Variants in PDE4D observed in about 807,000 individuals in gnomAD.
PDE4D encodes phosphodiesterase 4D, also known as 3',5'-cyclic-AMP phosphodiesterase 4D.
Under a neutral mutation model 87.4 loss-of-function variants are expected in PDE4D, and 24 were observed. That is an observed-to-expected ratio of 0.27 (90% CI 0.20 to 0.39). PDE4D has a LOEUF of 0.39. Ranked by LOEUF, PDE4D falls within the 10% of genes least tolerant of loss-of-function variation. The pLI, the probability that PDE4D is intolerant of heterozygous loss-of-function variation, is 1.00. For missense variants in PDE4D, 714 were observed against 1,041.0 expected, an observed-to-expected ratio of 0.69 and a Z score of 4.32; for synonymous variants, 384 against 383.2, an observed-to-expected ratio of 1.00 and a Z score of -0.02.
chr5:59,940,984 C>T (rs1757115783), intron 3 of PDE4D, among the ~76,000 whole-genome samples: 1 of 152,074 alleles, frequency 6.6e-6, no homozygotes, highest in African/African-American at 2.4e-5. Flanking sequence ...TTGTTTCTTT[C>T]CATGCTTTGT....
intron 1 of PDE4D, among the ~76,000 whole-genome samples, chr5:60,305,214 G>C (rs1273957632): frequency 1.3e-5 from 2 of 152,106 alleles, no homozygotes; most frequent in South Asian, 2.1e-4. Flanking sequence ...TTTATGAAAA[G>C]AAAACAGGAT....
intron 2 of PDE4D, among the ~76,000 whole-genome samples, chr5:60,150,449 A>G (rs967052295): frequency 6.6e-6 from 1 of 152,150 alleles, no homozygotes; most frequent in African/African-American, 2.4e-5. Context: ...ATGTATTATC[A>G]TTATTATTAA....
chr5:59,612,076 T>A (rs1337689493), intron 1 of PDE4D, among the ~76,000 whole-genome samples: 1 of 152,194 alleles, frequency 6.6e-6, no homozygotes, highest in Non-Finnish European at 1.5e-5. Context: ...AAGCTTGAGT[T>A]TTTCTTTAGA....
chr5:60,001,761 G>C (rs780451986), intron 2 of PDE4D, among the ~76,000 whole-genome samples: 5 of 151,566 alleles, frequency 3.3e-5, no homozygotes, highest in Non-Finnish European at 7.4e-5. Context: ...AATGACGGGG[G>C]AAAGTAAAAG....
intron 1 of PDE4D, among the ~76,000 whole-genome samples, chr5:59,489,590 A>G (rs1423906588): frequency 1.3e-5 from 2 of 152,220 alleles, no homozygotes; most frequent in East Asian, 1.9e-4. Context: ...AAGCAGATAC[A>G]TGGTGTTTCA....
At chr5:60,105,986 G>A (rs1271045733) in intron 2 of PDE4D, among the ~76,000 whole-genome samples, 1 of 152,064 alleles carries the variant, frequency 6.6e-6, no homozygotes, top group African/African-American at 2.4e-5. Context: ...CATAATGACA[G>A]GATCAACTTC....
chr5:59,754,554 C>T (rs898738060), intron 1 of PDE4D, among the ~76,000 whole-genome samples: 1 of 152,064 alleles, frequency 6.6e-6, no homozygotes, highest in East Asian at 1.9e-4. Context: ...ATTTGCGTAA[C>T]GGGCCCTGTA....
chr5:59,864,805 A>G (rs1215297908), intron 1 of PDE4D, among the ~76,000 whole-genome samples: 1 of 152,066 alleles, frequency 6.6e-6, no homozygotes. Flanking sequence ...GTTCCTTTGT[A>G]CCACAGGAAA....
chr5:60,477,904 G>C (rs1345302296), intron 1 of PDE4D, among the ~76,000 whole-genome samples: 3 of 152,170 alleles, frequency 2.0e-5, no homozygotes, highest in African/African-American at 7.2e-5. Flanking sequence ...AGTAAGGCTT[G>C]CTAAAATAAT....
At chr5:59,356,301 A>G (rs1194593200) in intron 1 of PDE4D, among the ~76,000 whole-genome samples, 1 of 152,224 alleles carries the variant, frequency 6.6e-6, no homozygotes, top group Non-Finnish European at 1.5e-5. Flanking sequence ...CATGACATGT[A>G]ATTCTGCTGG....
intron 3 of PDE4D, among the ~76,000 whole-genome samples, chr5:59,968,592 A>T (rs1009647115): frequency 6.6e-6 from 1 of 152,212 alleles, no homozygotes; most frequent in African/African-American, 2.4e-5. Flanking sequence ...AAAAAAATAT[A>T]TAAAGCTAGA....
At chr5:59,509,004 A>G (rs1210326763) in intron 1 of PDE4D, among the ~76,000 whole-genome samples, 1 of 152,014 alleles carries the variant, frequency 6.6e-6, no homozygotes, top group Non-Finnish European at 1.5e-5. Flanking sequence ...CAACGAGGCA[A>G]TATTTGAAAC....
At chr5:59,370,822 T>C (rs1453803042) in intron 1 of PDE4D, among the ~76,000 whole-genome samples, 3 of 152,308 alleles carry the variant, frequency 2.0e-5, no homozygotes, top group Non-Finnish European at 4.4e-5. Flanking sequence ...AGATAAATAT[T>C]GATACTTATT....
At chr5:60,140,217 T>C (rs1780411619) in intron 2 of PDE4D, among the ~76,000 whole-genome samples, 1 of 152,114 alleles carries the variant, frequency 6.6e-6, no homozygotes, top group African/African-American at 2.4e-5. Context: ...AACTATCGTA[T>C]ATGTTCTACC....
chr5:59,208,453 A>C (rs192388317), intron 2 of PDE4D, among the ~76,000 whole-genome samples: 1 of 152,238 alleles, frequency 6.6e-6, no homozygotes, highest in Admixed American at 6.5e-5. Context: ...ATATTACTAC[A>C]TATAACTCAA....
intron 1 of PDE4D, among the ~76,000 whole-genome samples, chr5:59,687,394 A>G (rs1239462569): frequency 2.0e-5 from 3 of 152,210 alleles, no homozygotes; most frequent in African/African-American, 7.2e-5. Context: ...CAGAAACTCT[A>G]CAAACCAGAA....
At chr5:60,240,851 T>A (rs113232398) in intron 1 of PDE4D, among the ~76,000 whole-genome samples, 156 of 152,264 alleles carry the variant, frequency 1.0e-3, no homozygotes, top group African/African-American at 3.6e-3. Context: ...CAGATATGGC[T>A]TAGATCATAA....
intron 1 of PDE4D, among the ~76,000 whole-genome samples, chr5:59,786,321 T>C (rs779084546): frequency 2.0e-5 from 3 of 152,230 alleles, no homozygotes; most frequent in Non-Finnish European, 2.9e-5. Flanking sequence ...ATAAGGTGGT[T>C]ACTGAATTGA....
At chr5:59,284,833 C>G (rs200187005) in intron 1 of PDE4D, among the ~76,000 whole-genome samples, 1,248 of 47,906 alleles carry the variant, frequency 0.026, 22 homozygotes, top group African/African-American at 0.037. Context: ...CAATGATAGA[C>G]TGGATTAAGA....
Sources: gnomAD v4.1 joint callset for allele counts (sites outside exome capture counted in the v4.1 genomes callset) on GRCh38, gnomAD v4.1.1 for gene constraint, MANE v1.5 for transcripts, NCBI Gene and HGNC (gene_info 2026-07-23, HGNC 2026-07-21) for gene names.